The following MCC variants were observed in gnomAD, a reference collection of about 807,000 sequenced individuals.
MCC encodes the protein colorectal mutant cancer protein.
MCC carries 90 observed loss-of-function variants against 116.2 expected under a neutral mutation model. The observed-to-expected ratio is 0.77, with a 90% CI of 0.65 to 0.92. The LOEUF (loss-of-function observed/expected upper bound fraction) is 0.92, where lower values mean the gene tolerates loss of function less well. Among genes scored for constraint, MCC ranks in the 40% least tolerant of loss-of-function variants. The pLI, the probability that MCC is intolerant of heterozygous loss-of-function variation, is 0.00. For synonymous variants in MCC, 578 were observed against 510.5 expected (o/e 1.13, Z -1.78); for missense variants, 1,516 against 1,312.2 (o/e 1.16, Z -2.40).
intron 3 of MCC, among the ~76,000 whole-genome samples, chr5:113,293,249 A>C (rs1292670964): frequency 1.4e-5 from 2 of 144,216 alleles, no homozygotes; most frequent in Admixed American, 6.9e-5. Flanking sequence ...ACACACACAC[A>C]CCCCCGCAGG....
intron 1 of MCC, among the ~76,000 whole-genome samples, chr5:113,417,727 G>A (rs910260322): frequency 6.6e-6 from 1 of 152,128 alleles, no homozygotes; most frequent in Non-Finnish European, 1.5e-5. Flanking sequence ...TCAGGAGTTT[G>A]AGACCAGCCT....
At chr5:113,108,787 C>A (rs891303495) in intron 6 of MCC, among the ~76,000 whole-genome samples, 1 of 152,134 alleles carries the variant, frequency 6.6e-6, no homozygotes, top group African/African-American at 2.4e-5. Flanking sequence ...CCAATGAGGG[C>A]TACACATACT....
intron 3 of MCC, among the ~76,000 whole-genome samples, chr5:113,321,925 G>A (rs918845415): frequency 3.3e-5 from 5 of 152,110 alleles, no homozygotes; most frequent in South Asian, 2.1e-4. Flanking sequence ...TCCACCTCCC[G>A]GGTTCAAGCA....
chr5:113,384,931 G>A (rs1156633602), intron 2 of MCC, 37 bp downstream of exon 2: 1 of 1,611,508 alleles, frequency 6.2e-7, no homozygotes, highest in South Asian at 1.1e-5. Flanking sequence ...GGCAAGGCCA[G>A]TGGAGTGCCA....
chr5:113,188,063 G>C (rs989483989), intron 3 of MCC, among the ~76,000 whole-genome samples: 1 of 152,132 alleles, frequency 6.6e-6, no homozygotes, highest in South Asian at 2.1e-4. Flanking sequence ...TCTCACTCCC[G>C]GGGTTTTTGA....
At chr5:113,152,813 T>C (rs1390073205) in intron 3 of MCC, among the ~76,000 whole-genome samples, 1 of 151,900 alleles carries the variant, frequency 6.6e-6, no homozygotes, top group Non-Finnish European at 1.5e-5. Context: ...AACAGATCAA[T>C]AGCCGATTTG....
rs59401267 is a variant in MCC, at chr5:113,042,305, C to CA, written c.2756+1224dup. Among the ~76,000 whole-genome samples the CA allele has an allele frequency of 7.8e-3, 702 of 89,450 alleles. 10 individuals are homozygous for CA. Among genetic ancestry groups the CA allele is most frequent in the East Asian group, 0.029 (93 of 3,250 alleles). 58.7% of individuals were successfully genotyped at this position (89,450 alleles called of 152,430 possible). On this transcript the variant is annotated intron_variant, in intron 17 of 18. Transcript: ENST00000408903. ...TGGGCAACGTAGGGAGACCCTGTCT[C>CA]AAAAAAAAAAAAAAAAAAAATTAGC...
At chr5:113,165,868 A>C (rs1176395939) in intron 3 of MCC, among the ~76,000 whole-genome samples, 1 of 151,956 alleles carries the variant, frequency 6.6e-6, no homozygotes, top group Non-Finnish European at 1.5e-5. Context: ...CCCAGAAGTA[A>C]GACTTCTTTC....
chr5:113,158,451 G>C (rs141429961), intron 3 of MCC, among the ~76,000 whole-genome samples: 1 of 152,324 alleles, frequency 6.6e-6, no homozygotes, highest in African/African-American at 2.4e-5. Context: ...TGTTCCATCA[G>C]CTGCAGAGGA....
chr5:113,050,133 A>AC (rs1284968428), intron 15 of MCC, among the ~76,000 whole-genome samples: 6 of 152,174 alleles, frequency 3.9e-5, no homozygotes, highest in African/African-American at 1.2e-4. Flanking sequence ...ATCTCCATTG[A>AC]CAGATGGGAA....
intron 3 of MCC, among the ~76,000 whole-genome samples, chr5:113,203,840 T>C (rs756411596): frequency 6.6e-6 from 1 of 152,208 alleles, no homozygotes; most frequent in Non-Finnish European, 1.5e-5. Flanking sequence ...CAAGGCAACA[T>C]GGCATTTCAT....
chr5:113,202,462 C>A (rs1015490368), intron 3 of MCC, among the ~76,000 whole-genome samples: 5 of 152,148 alleles, frequency 3.3e-5, no homozygotes, highest in Admixed American at 6.5e-5. Flanking sequence ...CCGCCAGCTG[C>A]CTATCTGTTT....
chr5:113,417,934 A>C (rs1770202955), intron 1 of MCC, among the ~76,000 whole-genome samples: 1 of 143,242 alleles, frequency 7.0e-6, no homozygotes, highest in South Asian at 2.2e-4. Context: ...CACTATTTCC[A>C]AAAAAAAAAA....
intron 3 of MCC, among the ~76,000 whole-genome samples, chr5:113,235,130 G>A (rs182942022): frequency 1.6e-4 from 25 of 152,284 alleles, no homozygotes; most frequent in South Asian, 1.0e-3. Context: ...CGAGGTGAAA[G>A]GTGCCATATA....
At chr5:113,099,233 T>C (rs991689500) in intron 8 of MCC, among the ~76,000 whole-genome samples, 1 of 152,200 alleles carries the variant, frequency 6.6e-6, no homozygotes, top group African/African-American at 2.4e-5. Context: ...TATTTGAAGG[T>C]AACTGAAATA....
chr5:113,269,661 T>C (rs1765541355), intron 3 of MCC, among the ~76,000 whole-genome samples: 1 of 152,240 alleles, frequency 6.6e-6, no homozygotes, highest in Non-Finnish European at 1.5e-5. Context: ...AGTTTAGCAC[T>C]GCCAAAATGT....
chr5:113,049,029 G>A (rs1752305083), intron 16 of MCC, 64 bp downstream of exon 16: 1 of 866,950 alleles, frequency 1.2e-6, no homozygotes, highest in Non-Finnish European at 1.5e-6. Flanking sequence ...GTGGCCAGTG[G>A]TCACTGGGCA....
At chr5:113,062,666 T>C (rs1345989195) in intron 14 of MCC, among the ~76,000 whole-genome samples, 2 of 152,134 alleles carry the variant, frequency 1.3e-5, no homozygotes, top group African/African-American at 2.4e-5. Flanking sequence ...CAGTAGAATA[T>C]GGTTTTATGA....
intron 2 of MCC, among the ~76,000 whole-genome samples, chr5:113,347,972 C>A (rs1482552562): frequency 6.6e-6 from 1 of 151,826 alleles, no homozygotes; most frequent in Non-Finnish European, 1.5e-5. Context: ...TAAAAAGAGA[C>A]AAATAAGCTC....
Sources: gnomAD v4.1 joint callset for allele counts (sites outside exome capture counted in the v4.1 genomes callset) on GRCh38, gnomAD v4.1.1 for gene constraint, MANE v1.5 for transcripts, NCBI Gene and HGNC (gene_info 2026-07-23, HGNC 2026-07-21) for gene names.